Variants in TMEM178B observed in about 807,000 individuals in gnomAD.
TMEM178B encodes the protein transmembrane protein 178B.
In TMEM178B, 5 loss-of-function variants were observed where a neutral mutation model predicts 31.0. The ratio of observed to expected loss-of-function variants is 0.16; its 90% CI spans 0.08 to 0.34. The LOEUF (loss-of-function observed/expected upper bound fraction) is 0.34, where lower values mean the gene tolerates loss of function less well. TMEM178B is among the 10% of genes least tolerant of loss of function. The pLI is 1.00. For missense variants in TMEM178B, 275 were observed against 400.3 expected (o/e 0.69, Z 2.67); for synonymous variants, 164 against 164.0 (o/e 1.00, Z 0.00).
At chr7:141,432,146 CTTTTTTTTTTTT>C (rs71170797) in intron 2 of TMEM178B, among the ~76,000 whole-genome samples, 2 of 79,078 alleles carry the variant, frequency 2.5e-5, no homozygotes, top group African/African-American at 5.1e-5. Context: ...TTCACTGCAT[CTTTTTTTTTTTT>C]TTTTTTTTTT....
chr7:141,344,711 A>G lies in TMEM178B; in HGVS notation c.497-92897A>G, dbSNP rs1480125423. On this transcript the variant is annotated intron_variant, in intron 2 of 3. Coordinates refer to ENST00000565468, the MANE Select transcript of TMEM178B (RefSeq NM_001195278.2). The surrounding 1 kb of genome is among the most constrained non-coding windows in gnomAD (Gnocchi z 4.1). ...CAATAAAGATGGACACAGAAGGTACAGCACCCCCCAACACACACACACCAG... is the reference window on the plus strand; with the variant it reads ...CAATAAAGATGGACACAGAAGGTACGGCACCCCCCAACACACACACACCAG... Among the ~76,000 whole-genome samples, 1 of 152,056 alleles carries G rather than the reference A, an allele frequency of 6.6e-6. No homozygotes were observed. Among genetic ancestry groups the G allele is most frequent in the Non-Finnish European group, 1.5e-5 (1 of 68,004 alleles).
chr7:141,235,184 C>T (rs901494388), intron 2 of TMEM178B, among the ~76,000 whole-genome samples: 6 of 152,194 alleles, frequency 3.9e-5, no homozygotes, highest in African/African-American at 1.2e-4. Flanking sequence ...TGGGAATGAC[C>T]TTTACCAAAT....
chr7:141,234,113 A>G (rs6951201), intron 2 of TMEM178B, among the ~76,000 whole-genome samples: 1 of 152,012 alleles, frequency 6.6e-6, no homozygotes, highest in East Asian at 1.9e-4. Flanking sequence ...GCCTCTTGCT[A>G]GTCTACAGTT....
At chr7:141,234,113 A>T (rs6951201) in intron 2 of TMEM178B, among the ~76,000 whole-genome samples, 2 of 152,012 alleles carry the variant, frequency 1.3e-5, no homozygotes, top group Admixed American at 6.5e-5. Flanking sequence ...GCCTCTTGCT[A>T]GTCTACAGTT....
chr7:141,230,978 A>G (rs923024572), intron 2 of TMEM178B, among the ~76,000 whole-genome samples: 5 of 152,088 alleles, frequency 3.3e-5, no homozygotes, highest in African/African-American at 4.8e-5. Context: ...CTACTCTTTT[A>G]GATTTCTGTT....
chr7:141,274,783 T>C (rs1563138378), intron 2 of TMEM178B, among the ~76,000 whole-genome samples: 1 of 152,188 alleles, frequency 6.6e-6, no homozygotes, highest in African/African-American at 2.4e-5. Flanking sequence ...CTTTGGCCCC[T>C]GGGCAAAGGC....
chr7:141,510,658 C>G, the TMEM178B span, among the ~76,000 whole-genome samples: 1 of 104,842 alleles, frequency 9.5e-6, no homozygotes, highest in South Asian at 3.1e-4. Flanking sequence ...GCACTCCAGC[C>G]TGGGCAACAA....
At chr7:141,464,157 A>G (rs1324363847) in intron 3 of TMEM178B, among the ~76,000 whole-genome samples, 1 of 152,130 alleles carries the variant, frequency 6.6e-6, no homozygotes, top group Non-Finnish European at 1.5e-5. Context: ...CCCTAGGACA[A>G]TGGGGCACTG....
intron 2 of TMEM178B, among the ~76,000 whole-genome samples, chr7:141,379,168 A>G (rs1209613753): frequency 6.6e-6 from 1 of 152,122 alleles, no homozygotes; most frequent in East Asian, 1.9e-4. Context: ...GGAGCCTTCT[A>G]AAATGGCCAG....
chr7:141,445,445 T>G (rs1801735657), intron 3 of TMEM178B, among the ~76,000 whole-genome samples: 1 of 152,242 alleles, frequency 6.6e-6, no homozygotes, highest in African/African-American at 2.4e-5. Context: ...CTTTCCCCAC[T>G]GTTATTCCTA....
intron 2 of TMEM178B, among the ~76,000 whole-genome samples, chr7:141,258,275 G>A (rs887370519): frequency 4.0e-5 from 6 of 151,864 alleles, no homozygotes; most frequent in Admixed American, 3.9e-4. Context: ...TAGCAGGGAT[G>A]TCCAATCTTT....
intron 2 of TMEM178B, among the ~76,000 whole-genome samples, chr7:141,331,489 T>A (rs1257148091): frequency 6.6e-6 from 1 of 152,102 alleles, no homozygotes; most frequent in Non-Finnish European, 1.5e-5. Flanking sequence ...AGAGGACCGA[T>A]GAGCTTCCCT....
intron 1 of TMEM178B, among the ~76,000 whole-genome samples, chr7:141,167,003 TA>T (rs1427749949): frequency 6.6e-6 from 1 of 152,222 alleles, no homozygotes; most frequent in Non-Finnish European, 1.5e-5. Context: ...TATCACTTAA[TA>T]TTATGTTTGG....
At chr7:141,449,543 C>T (rs534913230) in intron 3 of TMEM178B, among the ~76,000 whole-genome samples, 13 of 152,270 alleles carry the variant, frequency 8.5e-5, no homozygotes, top group East Asian at 3.9e-4. Flanking sequence ...TCGAAGCCAC[C>T]GGGCACCAGG....
intron 2 of TMEM178B, among the ~76,000 whole-genome samples, chr7:141,264,563 C>A (rs893606112): frequency 1.3e-5 from 2 of 152,136 alleles, no homozygotes; most frequent in Admixed American, 6.5e-5. Flanking sequence ...GTGCTGAAAG[C>A]TTATGTATGA....
chr7:141,083,098 G>A (rs528947770), intron 1 of TMEM178B, among the ~76,000 whole-genome samples: 122 of 152,028 alleles, frequency 8.0e-4, no homozygotes, highest in African/African-American at 2.8e-3. Flanking sequence ...ACACAGACAC[G>A]CACACCTCCC....
At chr7:141,460,428 G>A (rs985059341) in intron 3 of TMEM178B, among the ~76,000 whole-genome samples, 1 of 152,174 alleles carries the variant, frequency 6.6e-6, no homozygotes, top group African/African-American at 2.4e-5. Context: ...ATCTCTTTAA[G>A]AGCCCAATCT....
intron 1 of TMEM178B, among the ~76,000 whole-genome samples, chr7:141,155,863 G>A (rs942815803): frequency 6.6e-6 from 1 of 152,110 alleles, no homozygotes; most frequent in African/African-American, 2.4e-5. Flanking sequence ...TCAGGAATTC[G>A]AGACCAGCCT....
rs554163090 is a variant in TMEM178B at position 141,268,785 on chromosome 7, A to G, written c.496+56081A>G. On this transcript the variant is annotated intron_variant, in intron 2 of 3. Transcript: ENST00000565468. Reference sequence around the variant, plus strand: ...ATTAAAACAGTGGCTTCTAAGAGAGAAAATGAAAGCAAGAGCAAAGGTCAT... The same window carrying G: ...ATTAAAACAGTGGCTTCTAAGAGAGGAAATGAAAGCAAGAGCAAAGGTCAT... 5.5e-4 allele frequency among the ~76,000 whole-genome samples: 84 copies of G among 152,380 alleles called. 1 individual carries two copies. In the South Asian group the frequency reaches 0.017, roughly 31 times the overall value.
Sources: allele counts gnomAD v4.1 joint callset (sites outside exome capture counted in the v4.1 genomes callset), GRCh38; gene constraint gnomAD v4.1.1; non-coding constraint Gnocchi (gnomAD v3.1); transcripts MANE v1.5; gene names NCBI Gene and HGNC (gene_info 2026-07-23, HGNC 2026-07-21).